The following CFAP47 variants were observed in gnomAD, a reference collection of about 807,000 sequenced individuals.
CFAP47 encodes the protein cilia- and flagella-associated protein 47.
In CFAP47, 29 loss-of-function variants were observed where a neutral mutation model predicts 148.1. That is an observed-to-expected ratio of 0.20 (90% CI 0.15 to 0.27). The LOEUF is 0.27. Ranked by LOEUF, CFAP47 falls within the 10% of genes least tolerant of loss-of-function variation. The pLI is 1.00. For synonymous variants in CFAP47, 664 were observed against 577.3 expected (o/e 1.15, Z -2.15); for missense variants, 1,872 against 1,697.5 (o/e 1.10, Z -1.81).
intron 30 of CFAP47, among the ~76,000 whole-genome samples, chrX:36,094,040 A>G (rs1938232217): frequency 9.0e-6 from 1 of 111,103 alleles, no homozygotes; most frequent in Admixed American, 9.6e-5. Flanking sequence ...TTTTGATTTT[A>G]TTTTTGTATA....
At chrX:36,209,706 C>A (rs1482780907) in intron 45 of CFAP47, among the ~76,000 whole-genome samples, 1 of 111,283 alleles carries the variant, frequency 9.0e-6, no homozygotes, top group Non-Finnish European at 1.9e-5. Context: ...ATCTCTAATC[C>A]TCTATTTATG....
Position 36,310,921 on chromosome X carries a change from A to C in CFAP47, c.8276A>C (p.Gln2759Pro). 8.7e-7 allele frequency: 1 copy of C among 1,145,558 alleles called. No homozygotes were observed. The highest frequency in any genetic ancestry group is 1.2e-6 in the Non-Finnish European group (1 of 854,703). The allele number at this position is 1,145,558 out of a possible 1,213,427, so 94.4% of individuals were successfully genotyped here. A position where few individuals can be genotyped will look rare whatever the true frequency, so the allele number is the denominator to read the frequency against. The change falls in exon 56 of 64, where the codon CAG (glutamine) becomes CCG (proline). Residue 2759 changes from glutamine to proline, a missense_variant. By Grantham distance (76) the Gln-to-Pro change is moderately conservative. Coordinates refer to ENST00000378653, the MANE Select transcript of CFAP47 (RefSeq NM_001304548.2). ...AGAATAACCACACGCATTGGTCTTCAGTCAACTATTGTTATACCTTTCAAA... is the reference window on the plus strand; with the variant it reads ...AGAATAACCACACGCATTGGTCTTCCGTCAACTATTGTTATACCTTTCAAA... ...TERITTRIGLQSTIVIPFKNP... is the reference protein window; with the variant it reads ...TERITTRIGLPSTIVIPFKNP...
intron 50 of CFAP47, among the ~76,000 whole-genome samples, chrX:36,283,055 A>G (rs1941096885): frequency 9.0e-6 from 1 of 110,903 alleles, no homozygotes; most frequent in African/African-American, 3.3e-5. Context: ...TATTGTATAC[A>G]CCCCAGTATA....
chrX:36,087,102 C>T (rs764568767), intron 30 of CFAP47, among the ~76,000 whole-genome samples: 7 of 111,930 alleles, frequency 6.3e-5, no homozygotes, highest in African/African-American at 2.3e-4. Context: ...ATAGGAATCC[C>T]TCTCCCTGTC....
intron 45 of CFAP47, among the ~76,000 whole-genome samples, chrX:36,207,297 A>T (rs1356645141): frequency 9.0e-6 from 1 of 111,658 alleles, no homozygotes; most frequent in Non-Finnish European, 1.9e-5. Context: ...CAATATTGAA[A>T]CAAAACTTTT....
intron 21 of CFAP47, among the ~76,000 whole-genome samples, chrX:36,011,521 G>C (rs1249302111): frequency 6.3e-5 from 7 of 111,640 alleles, no homozygotes; most frequent in African/African-American, 2.3e-4. Context: ...TATTCTGTCA[G>C]GTGGCTTTGG....
intron 57 of CFAP47, among the ~76,000 whole-genome samples, chrX:36,322,830 G>C (rs927458256): frequency 6.3e-5 from 7 of 110,631 alleles, no homozygotes; most frequent in African/African-American, 2.3e-4. Flanking sequence ...TATATAATAA[G>C]ATCTCCAAAG....
chrX:36,259,606 G>A (rs960419840), intron 49 of CFAP47, among the ~76,000 whole-genome samples: 1 of 111,264 alleles, frequency 9.0e-6, no homozygotes, highest in Admixed American at 9.6e-5. Flanking sequence ...TAGGCACATC[G>A]TTTGTCAATG....
rs769328305 is a variant in CFAP47, at chrX:36,138,446, C to T, written c.5517C>T (p.Asp1839=). The T allele has an allele frequency of 8.7e-7, 1 of 1,150,009 alleles. No individual in the cohort carries two copies. The highest frequency in any genetic ancestry group is 1.9e-5 in the African/African-American group (1 of 53,044). The allele number at this position is 1,150,009 out of a possible 1,213,427, so 94.8% of individuals were successfully genotyped here. ...LIIVNTLYEI[D]FDVEIQATDI... ...TTGTAAATACTCTTTATGAAATTGACTTTGACGTGGAAATACAGGTGGGTG... is the reference window on the plus strand; with the variant it reads ...TTGTAAATACTCTTTATGAAATTGATTTTGACGTGGAAATACAGGTGGGTG... The change falls in exon 35 of 64, where the codon GAC becomes GAT. Residue 1839 remains aspartate (D), a synonymous_variant. Transcript: ENST00000378653.
At position 35,977,117 on chromosome X, in the gene CFAP47, T is replaced by C. The variant is rs149078347; in HGVS notation, c.2713+1204T>C. On this transcript the variant is annotated intron_variant, in intron 15 of 63. Coordinates refer to ENST00000378653, the MANE Select transcript of CFAP47 (RefSeq NM_001304548.2). ...CGGTATCTTTGTTTTATGTACATGT[T>C]GTGCCTTTCCAGCTAGATGAAAAGG... Among the ~76,000 whole-genome samples the C allele has an allele frequency of 5.9e-3, 660 of 112,119 alleles. 7 individuals carry two copies. The highest frequency in any genetic ancestry group is 0.02 in the African/African-American group (634 of 30,941).
chrX:36,364,901 CATATATATATATATATATATATATAT>C (rs60748143), intron 61 of CFAP47, among the ~76,000 whole-genome samples: 7 of 67,353 alleles, frequency 1.0e-4, no homozygotes, highest in Non-Finnish European at 1.5e-4. Flanking sequence ...ATATTTTGTG[CATATATATATATATATATATATATAT>C]ATATATATAT....
intron 35 of CFAP47, 139 bp from the exon 36 acceptor site, chrX:36,145,076 CGTGT>C (rs199883553): frequency 0.055 from 15,511 of 281,879 alleles, 133 homozygotes; most frequent in South Asian, 0.072. Context: ...TATATATATG[CGTGT>C]GTGTGTGTGT....
chrX:36,288,793 G>A (rs1408743084), intron 51 of CFAP47, among the ~76,000 whole-genome samples: 2 of 110,926 alleles, frequency 1.8e-5, no homozygotes, highest in Non-Finnish European at 3.8e-5. Context: ...AGCACTTTGG[G>A]AAGCCAAGGT....
chrX:35,989,621 A>C (rs1936763716), intron 16 of CFAP47, 172 bp downstream of exon 16: 2 of 1,049,810 alleles, frequency 1.9e-6, no homozygotes, highest in Admixed American at 3.4e-5. Context: ...TCATCATGGG[A>C]GCCATTGAAA....
At chrX:36,143,444 A>C (rs1939177742) in intron 35 of CFAP47, among the ~76,000 whole-genome samples, 1 of 111,734 alleles carries the variant, frequency 8.9e-6, no homozygotes, top group Non-Finnish European at 1.9e-5. Context: ...TTGCATTTCT[A>C]GGCCGGGCTC....
intron 26 of CFAP47, among the ~76,000 whole-genome samples, chrX:36,060,008 T>C (rs1569245419): frequency 9.0e-6 from 1 of 111,267 alleles, no homozygotes; most frequent in Non-Finnish European, 1.9e-5. Context: ...CTGTACACAC[T>C]GGCTCTTCTT....
chrX:36,134,353 A>G (rs371835468), intron 33 of CFAP47, among the ~76,000 whole-genome samples: 22 of 111,636 alleles, frequency 2.0e-4, no homozygotes, highest in African/African-American at 7.1e-4. Context: ...AAAATAGCCA[A>G]AACAATTTTG....
At chrX:35,974,292 T>C (rs1363383926) in intron 13 of CFAP47, among the ~76,000 whole-genome samples, 3 of 111,715 alleles carry the variant, frequency 2.7e-5, no homozygotes, top group Non-Finnish European at 5.6e-5. Context: ...TTTTTAACCT[T>C]GAAGAAGTGC....
intron 51 of CFAP47, among the ~76,000 whole-genome samples, chrX:36,289,239 A>G (rs1480765888): frequency 9.1e-6 from 1 of 109,688 alleles, no homozygotes; most frequent in African/African-American, 3.3e-5. Flanking sequence ...ACCTCAGATG[A>G]TCTGCCCCCC....
Sources: allele counts gnomAD v4.1 joint callset (sites outside exome capture counted in the v4.1 genomes callset), GRCh38; gene constraint gnomAD v4.1.1; transcripts MANE v1.5; gene names NCBI Gene and HGNC (gene_info 2026-07-23, HGNC 2026-07-21).